FOXP4: variants seen among roughly 807,000 people sequenced by gnomAD.
FOXP4 encodes forkhead box protein P4.
A neutral mutation model predicts 82.6 loss-of-function variants in FOXP4; 25 were observed. That is an observed-to-expected ratio of 0.30 (90% CI 0.22 to 0.42). FOXP4 has a LOEUF of 0.42. Ranked by LOEUF, FOXP4 falls within the 10% of genes least tolerant of loss-of-function variation. The pLI is 1.00. For missense variants in FOXP4, 785 were observed against 900.9 expected, an observed-to-expected ratio of 0.87 and a Z score of 1.65; for synonymous variants, 415 against 388.2, an observed-to-expected ratio of 1.07 and a Z score of -0.81.
rs1227777541 is a variant in FOXP4 at position 41,597,834 on chromosome 6, C to A, written c.1779C>A (p.Asn593Lys). Residue 593 changes from asparagine (N) to lysine (K), a missense_variant, in exon 16 of 17, where the codon AAC becomes AAA. Around this residue, in one of 3 missense-constraint regions of FOXP4, gnomAD observed 184 missense variants for 187.3 expected, o/e 0.98. Transcript: ENST00000307972. ...FPLLNSPGMLNPGSASSLLPL... is the reference protein window; with the variant it reads ...FPLLNSPGMLKPGSASSLLPL... ...TCCTCAACAGCCCTGGCATGCTGAA[C>A]CCTGGCTCCGCCAGCAGCCTGCTGC... The A allele has an allele frequency of 6.2e-7, 1 of 1,605,402 alleles. No homozygotes were observed. Among genetic ancestry groups the A allele is most frequent in the Non-Finnish European group, 8.5e-7 (1 of 1,178,688 alleles).
intron 2 of FOXP4, among the ~76,000 whole-genome samples, chr6:41,570,706 G>A (rs940693024): frequency 6.6e-6 from 1 of 152,210 alleles, no homozygotes; most frequent in Non-Finnish European, 1.5e-5. Flanking sequence ...CTTCATGGCA[G>A]AATTCTTTTC....
intron 15 of FOXP4, 55 bp from the exon 16 acceptor site, chr6:41,597,726 G>A: frequency 6.4e-7 from 1 of 1,572,044 alleles, no homozygotes; most frequent in Non-Finnish European, 8.6e-7. Flanking sequence ...GCACTTGACT[G>A]AGTGTGCCCC....
chr6:41,547,128 G>A (rs2127293259), intron 1 of FOXP4, among the ~76,000 whole-genome samples: 1 of 152,062 alleles, frequency 6.6e-6, no homozygotes, highest in East Asian at 1.9e-4. Flanking sequence ...GCGGGCCGGA[G>A]CTGCCTCGGG....
At chr6:41,561,051 C>CA (rs918854529) in intron 1 of FOXP4, among the ~76,000 whole-genome samples, 3 of 152,234 alleles carry the variant, frequency 2.0e-5, no homozygotes, top group African/African-American at 7.2e-5. Flanking sequence ...CTCGCCCGCC[C>CA]AGGTTCTTTG....
intron 1 of FOXP4, among the ~76,000 whole-genome samples, chr6:41,560,759 C>G (rs572988614): frequency 6.6e-6 from 1 of 152,340 alleles, no homozygotes; most frequent in African/African-American, 2.4e-5. Context: ...GGTGCGGGTT[C>G]GCGGCGAGGC....
In FOXP4 at chr6:41,587,844, G is replaced by A. The variant is rs775344334; in HGVS notation, c.924G>A (p.Glu308=). The change falls in exon 8 of 17, where the codon GAG becomes GAA. Residue 308 remains glutamate, a synonymous_variant. Transcript: ENST00000307972. ...PGSHPLYGHG[E]CKWPGCETLC... ...CCCACCCCCTGTACGGACACGGAGA[G>A]TGCAAGTGGCCAGGCTGTGAGACCC... is the stretch of plus-strand genomic sequence containing the variant. 1 of 1,572,740 alleles carries A rather than the reference G, an allele frequency of 6.4e-7. No individual in the cohort carries two copies. The highest frequency in any genetic ancestry group is 1.8e-5 in the Admixed American group (1 of 55,140).
At chr6:41,583,337 G>T (rs1765911887) in intron 3 of FOXP4, among the ~76,000 whole-genome samples, 1 of 152,182 alleles carries the variant, frequency 6.6e-6, no homozygotes, top group South Asian at 2.1e-4. Flanking sequence ...GTGGTTCAAG[G>T]CTGAGTCCTG....
At chr6:41,587,211 C>A in intron 6 of FOXP4, 55 bp downstream of exon 6, 1 of 1,608,420 alleles carries the variant, frequency 6.2e-7, no homozygotes, top group Non-Finnish European at 8.5e-7. Flanking sequence ...CCTGCCTGTA[C>A]GCAACAGCTG....
At chr6:41,584,507 T>A (rs1765982530) in intron 3 of FOXP4, among the ~76,000 whole-genome samples, 1 of 152,228 alleles carries the variant, frequency 6.6e-6, no homozygotes, top group Admixed American at 6.5e-5. Flanking sequence ...CAGGCCTTGT[T>A]TTAAGTATTC....
At chr6:41,569,430 T>A (rs1765060112) in intron 2 of FOXP4, among the ~76,000 whole-genome samples, 1 of 152,266 alleles carries the variant, frequency 6.6e-6, no homozygotes, top group Non-Finnish European at 1.5e-5. Context: ...TCTTCGAAAG[T>A]TGCCCTTGTG....
At chr6:41,570,592 T>A (rs955073432) in intron 2 of FOXP4, among the ~76,000 whole-genome samples, 17 of 152,110 alleles carry the variant, frequency 1.1e-4, no homozygotes, top group African/African-American at 4.1e-4. Context: ...ACCCCTGCTT[T>A]CTTGGGACTA....
At chr6:41,570,381 C>T (rs1416762512) in intron 2 of FOXP4, 1 of 471,292 alleles carries the variant, frequency 2.1e-6, no homozygotes, top group Non-Finnish European at 4.4e-6. Flanking sequence ...CCCTTTCCTC[C>T]TTGGCCTGAC....
chr6:41,590,206 C>T lies in FOXP4; in HGVS notation c.1357+36C>T, dbSNP rs369427815. 37 of 1,607,752 alleles carry T rather than the reference C, an allele frequency of 2.3e-5. No individual in the cohort carries two copies. In the Admixed American group the frequency reaches 4.0e-4, roughly 17 times the overall value. On this transcript the variant is annotated intron_variant, in intron 11 of 16. Coordinates refer to ENST00000307972, the MANE Select transcript of FOXP4 (RefSeq NM_001012426.2). ...GCTGGGGGCTGCAGGGCGACAGCAGCGTGAGGCTGTTTTTCCCATCTGAGC... is the reference window on the plus strand; with the variant it reads ...GCTGGGGGCTGCAGGGCGACAGCAGTGTGAGGCTGTTTTTCCCATCTGAGC...
intron 13 of FOXP4, among the ~76,000 whole-genome samples, chr6:41,592,217 C>G (rs1766562394): frequency 6.6e-6 from 1 of 152,208 alleles, no homozygotes; most frequent in Non-Finnish European, 1.5e-5. Flanking sequence ...CCCAATCCCA[C>G]TAGGTTTCAA....
At chr6:41,585,683 T>C (rs1766069812) in intron 5 of FOXP4, among the ~76,000 whole-genome samples, 166 bp downstream of exon 5, 1 of 152,094 alleles carries the variant, frequency 6.6e-6, no homozygotes, top group South Asian at 2.1e-4. Flanking sequence ...TGGTGGTTCT[T>C]ACGTGTCTCC....
At position 41,597,765 on chromosome 6, in the gene FOXP4, C is replaced by T. The variant is rs924991843; in HGVS notation, c.1726-16C>T. On this transcript the variant is annotated splice_polypyrimidine_tract_variant and intron_variant, in intron 15 of 16. Coordinates refer to ENST00000307972, the MANE Select transcript of FOXP4 (RefSeq NM_001012426.2). ...CTGTGGAGCCACTGACGAGGCCCAA[C>T]CCTGTGCCCCTGCAGGCCGCCCTGG... is the stretch of plus-strand genomic sequence containing the variant. 2.0e-5 allele frequency: 32 copies of T among 1,603,880 alleles called. No individual in the cohort carries two copies. Among genetic ancestry groups the T allele is most frequent in the African/African-American group, 2.7e-5 (2 of 74,962 alleles).
chr6:41,552,693 TGCAGCTGGGCTAGCTCGGGCCG>T (rs1483056627), intron 1 of FOXP4, among the ~76,000 whole-genome samples: 9 of 152,126 alleles, frequency 5.9e-5, no homozygotes, highest in South Asian at 2.1e-4. Flanking sequence ...AGAAAAGAAC[TGCAGCTGGGCTAGCTCGGGCCG>T]GCAGCTGGGG....
chr6:41,563,641 G>A (rs1363015006), intron 1 of FOXP4, among the ~76,000 whole-genome samples: 1 of 152,156 alleles, frequency 6.6e-6, no homozygotes, highest in Non-Finnish European at 1.5e-5. Context: ...GGGTCTCAAT[G>A]TCCTCACCCT....
Position 41,597,777 on chromosome 6 carries a change from G to A in FOXP4, c.1726-4G>A. 6.2e-7 allele frequency: 1 copy of A among 1,604,796 alleles called. No individual in the cohort carries two copies. The highest frequency in any genetic ancestry group is 8.5e-7 in the Non-Finnish European group (1 of 1,178,586). ...TGACGAGGCCCAACCCTGTGCCCCT[G>A]CAGGCCGCCCTGGCCGAGAGCAGCT... On this transcript the variant is annotated splice_polypyrimidine_tract_variant and splice_region_variant and intron_variant, in intron 15 of 16. Coordinates refer to ENST00000307972, the MANE Select transcript of FOXP4 (RefSeq NM_001012426.2).
Sources: gnomAD v4.1 joint callset for allele counts (sites outside exome capture counted in the v4.1 genomes callset) on GRCh38, gnomAD v4.1.1 for gene constraint, gnomAD v4.1.1 regional missense constraint, MANE v1.5 for transcripts, NCBI Gene and HGNC (gene_info 2026-07-23, HGNC 2026-07-21) for gene names.